VPS13B: variants seen among roughly 807,000 people sequenced by gnomAD.
VPS13B encodes vacuolar protein sorting 13 homolog B, also known as intermembrane lipid transfer protein VPS13B.
Under a neutral mutation model 426.4 loss-of-function variants are expected in VPS13B, and 285 were observed. That is an observed-to-expected ratio of 0.67 (90% CI 0.61 to 0.74). The LOEUF (loss-of-function observed/expected upper bound fraction) is 0.74, where lower values mean the gene tolerates loss of function less well. VPS13B is among the 30% of genes least tolerant of loss of function. The pLI is 0.00. For missense variants in VPS13B, 4,537 were observed against 4,782.6 expected (o/e 0.95, Z 1.51); for synonymous variants, 1,676 against 1,676.4 (o/e 1.00, Z 0.01).
intron 2 of VPS13B, among the ~76,000 whole-genome samples, chr8:99,029,987 G>C (rs1245467014): frequency 6.6e-6 from 1 of 152,032 alleles, no homozygotes; most frequent in Non-Finnish European, 1.5e-5. Context: ...GGACCTTTTT[G>C]GGTTGAGTCT....
chr8:99,387,089 T>C (rs1361770602), intron 20 of VPS13B, among the ~76,000 whole-genome samples: 3 of 152,234 alleles, frequency 2.0e-5, no homozygotes, highest in Non-Finnish European at 2.9e-5. Flanking sequence ...TTTATTGACT[T>C]GGAATATATT....
At chr8:99,061,847 A>G (rs760803757) in intron 3 of VPS13B, among the ~76,000 whole-genome samples, 14 of 152,324 alleles carry the variant, frequency 9.2e-5, no homozygotes, top group South Asian at 4.1e-4. Flanking sequence ...CACACTCACA[A>G]TGGTCAATAA....
chr8:99,727,950 A>G (rs971690695), intron 39 of VPS13B, among the ~76,000 whole-genome samples: 5 of 152,198 alleles, frequency 3.3e-5, no homozygotes, highest in Admixed American at 3.3e-4. Flanking sequence ...TCAAATCTCT[A>G]TGTCTAACAT....
At chr8:99,862,396 C>T (rs1003800216) in intron 58 of VPS13B, among the ~76,000 whole-genome samples, 3 of 152,186 alleles carry the variant, frequency 2.0e-5, no homozygotes, top group Non-Finnish European at 2.9e-5. Context: ...GAGGAGCCCA[C>T]TTTGTCCTTT....
At chr8:99,185,374 T>A (rs1371933805) in intron 16 of VPS13B, among the ~76,000 whole-genome samples, 1 of 152,198 alleles carries the variant, frequency 6.6e-6, no homozygotes, top group Non-Finnish European at 1.5e-5. Context: ...AAAACTTTTT[T>A]TCTTTTCATT....
intron 35 of VPS13B, among the ~76,000 whole-genome samples, chr8:99,672,011 T>A (rs568800629): frequency 6.6e-6 from 1 of 152,278 alleles, no homozygotes; most frequent in East Asian, 1.9e-4. Flanking sequence ...ACTATACTGT[T>A]TTGGTTATAG....
intron 3 of VPS13B, among the ~76,000 whole-genome samples, chr8:99,093,725 C>T (rs903192793): frequency 6.6e-6 from 1 of 152,060 alleles, no homozygotes; most frequent in East Asian, 1.9e-4. Flanking sequence ...TTTTTTATGG[C>T]TGCATAGTAT....
At chr8:99,435,312 C>A (rs1461702233) in intron 22 of VPS13B, among the ~76,000 whole-genome samples, 1 of 152,078 alleles carries the variant, frequency 6.6e-6, no homozygotes, top group East Asian at 1.9e-4. Flanking sequence ...TTAAAAATAA[C>A]CTCATTCCCT....
chr8:99,110,318 G>A (rs2132479191), intron 5 of VPS13B, among the ~76,000 whole-genome samples: 1 of 152,158 alleles, frequency 6.6e-6, no homozygotes, highest in South Asian at 2.1e-4. Context: ...CCTAGGAATT[G>A]CTTATCAGTT....
chr8:99,407,459 A>G (rs1305955512), intron 21 of VPS13B, among the ~76,000 whole-genome samples: 1 of 152,028 alleles, frequency 6.6e-6, no homozygotes, highest in Non-Finnish European at 1.5e-5. Flanking sequence ...TTTGCTATCC[A>G]TCTATTTCTC....
chr8:99,849,917 ATACAT>A (rs949671547), intron 55 of VPS13B, among the ~76,000 whole-genome samples: 5 of 137,002 alleles, frequency 3.6e-5, no homozygotes, highest in African/African-American at 1.6e-4. Context: ...CTGTACATAC[ATACAT>A]AAGTACGCAT....
At position 99,533,327 on chromosome 8, in the gene VPS13B, A is replaced by G. The variant is rs568446286; in HGVS notation, c.4745+12317A>G. On this transcript the variant is annotated intron_variant, in intron 30 of 61. Coordinates refer to ENST00000357162, the MANE Select transcript of VPS13B (RefSeq NM_152564.5). ...ATAAATTGACCTTGAGGAACTACCA[A>G]GTGATCCAAATACAGATATTTGCAA... 3.3e-5 allele frequency among the ~76,000 whole-genome samples: 5 copies of G among 152,318 alleles called. No homozygotes were observed. In the South Asian group the frequency reaches 1.0e-3, roughly 32 times the overall value.
intron 14 of VPS13B, among the ~76,000 whole-genome samples, chr8:99,153,182 T>C (rs1345496449): frequency 2.0e-5 from 3 of 152,106 alleles, no homozygotes; most frequent in African/African-American, 4.8e-5. Context: ...AATAAATACA[T>C]AAGAAAAATT....
intron 16 of VPS13B, among the ~76,000 whole-genome samples, chr8:99,188,652 A>T (rs545435764): frequency 7.9e-5 from 12 of 152,180 alleles, no homozygotes; most frequent in Non-Finnish European, 1.6e-4. Flanking sequence ...CAAATTGCCA[A>T]ATTGTGTTTT....
At chr8:99,434,158 GT>G (rs1473274925) in intron 22 of VPS13B, among the ~76,000 whole-genome samples, 1 of 152,102 alleles carries the variant, frequency 6.6e-6, no homozygotes, top group African/African-American at 2.4e-5. Context: ...AAGTAAAGGA[GT>G]TTTGATTAAG....
chr8:99,835,228 G>C lies in VPS13B; in HGVS notation c.9646G>C (p.Gly3216Arg). Reference sequence around the variant, plus strand: ...AGTGCTGACATATCAAGAACACCTCGGAGTGACTTATTTAACCCTCTCAGA... The same window carrying C: ...AGTGCTGACATATCAAGAACACCTCCGAGTGACTTATTTAACCCTCTCAGA... ...AIVLTYQEHL[G>R]VTYLTLSEDP... Residue 3216 changes from glycine to arginine, a missense_variant, in exon 53 of 62, where the codon GGA (glycine) becomes CGA (arginine). By Grantham distance (125) the Gly-to-Arg change is moderately radical. Around this residue, in one of 2 missense-constraint regions of VPS13B, gnomAD observed 4,311 missense variants for 4,474.3 expected, o/e 0.96. Coordinates refer to ENST00000357162, the MANE Select transcript of VPS13B (RefSeq NM_152564.5). 6.2e-7 allele frequency: 1 copy of C among 1,613,822 alleles called. No individual in the cohort carries two copies. Among genetic ancestry groups the C allele is most frequent in the Non-Finnish European group, 8.5e-7 (1 of 1,179,940 alleles).
At chr8:99,232,400 C>T (rs1273585900) in intron 17 of VPS13B, among the ~76,000 whole-genome samples, 5 of 152,012 alleles carry the variant, frequency 3.3e-5, no homozygotes, top group Non-Finnish European at 7.4e-5. Flanking sequence ...AGTGTCCTTC[C>T]GACAAGATTT....
chr8:99,679,426 T>C (rs1357470730), intron 35 of VPS13B, among the ~76,000 whole-genome samples: 1 of 152,202 alleles, frequency 6.6e-6, no homozygotes, highest in East Asian at 1.9e-4. Context: ...TTGGTGCAAT[T>C]ACCCTATAAT....
At chr8:99,339,626 T>G (rs967111539) in intron 19 of VPS13B, among the ~76,000 whole-genome samples, 5 of 151,744 alleles carry the variant, frequency 3.3e-5, no homozygotes, top group African/African-American at 1.2e-4. Context: ...TTTTTTCCAG[T>G]TTTTTTCAAA....
Sources: gnomAD v4.1 joint callset for allele counts (sites outside exome capture counted in the v4.1 genomes callset) on GRCh38, gnomAD v4.1.1 for gene constraint, gnomAD v4.1.1 regional missense constraint, MANE v1.5 for transcripts, NCBI Gene and HGNC (gene_info 2026-07-23, HGNC 2026-07-21) for gene names.